L3MBTL4: variants seen among roughly 807,000 people sequenced by gnomAD.
L3MBTL4 encodes the protein lethal(3)malignant brain tumor-like protein 4.
A neutral mutation model predicts 84.5 loss-of-function variants in L3MBTL4; 70 were observed. The observed-to-expected ratio is 0.83, with a 90% CI of 0.68 to 1.01. L3MBTL4 has a LOEUF of 1.01. Ranked by LOEUF, L3MBTL4 falls within the 50% of genes least tolerant of loss-of-function variation. L3MBTL4 has a pLI of 0.00. For missense variants in L3MBTL4, 715 were observed against 754.8 expected, an observed-to-expected ratio of 0.95 and a Z score of 0.62; for synonymous variants, 274 against 259.8, an observed-to-expected ratio of 1.05 and a Z score of -0.52.
At chr18:6,094,528 C>T (rs2058568039) in intron 14 of L3MBTL4, among the ~76,000 whole-genome samples, 2 of 152,124 alleles carry the variant, frequency 1.3e-5, no homozygotes, top group Admixed American at 1.3e-4. Context: ...ACCGGCTACA[C>T]CTAGAGGAGC....
intron 14 of L3MBTL4, among the ~76,000 whole-genome samples, chr18:6,115,912 G>A (rs550122986): frequency 9.2e-5 from 14 of 152,222 alleles, no homozygotes; most frequent in South Asian, 4.2e-4. Flanking sequence ...CTGTTTGCTC[G>A]GCGCAGTCCT....
intron 13 of L3MBTL4, among the ~76,000 whole-genome samples, chr18:6,161,117 C>T (rs2043319736): frequency 6.6e-6 from 1 of 152,162 alleles, no homozygotes; most frequent in Non-Finnish European, 1.5e-5. Flanking sequence ...CTTGACAATT[C>T]AACAGTGCTA....
At chr18:6,136,314 G>A (rs191059645) in intron 14 of L3MBTL4, among the ~76,000 whole-genome samples, 4 of 152,284 alleles carry the variant, frequency 2.6e-5, no homozygotes, top group Admixed American at 2.6e-4. Flanking sequence ...GAATCAGGGT[G>A]ACTCAGGAGA....
intron 1 of L3MBTL4, among the ~76,000 whole-genome samples, chr18:6,357,207 T>C (rs1476636895): frequency 2.0e-5 from 3 of 152,178 alleles, no homozygotes; most frequent in Non-Finnish European, 4.4e-5. Flanking sequence ...ATTAAGAAAC[T>C]CCATTTATCT....
At chr18:5,969,182 C>T (rs1006177593) in intron 17 of L3MBTL4, among the ~76,000 whole-genome samples, 5 of 152,142 alleles carry the variant, frequency 3.3e-5, no homozygotes, top group African/African-American at 7.2e-5. Flanking sequence ...AGGTGCAAAA[C>T]CATCTGGGCA....
intron 16 of L3MBTL4, among the ~76,000 whole-genome samples, chr18:5,999,669 G>A (rs1429783414): frequency 1.3e-5 from 2 of 152,160 alleles, no homozygotes; most frequent in African/African-American, 4.8e-5. Flanking sequence ...AAACTAGAAG[G>A]CAGATAAATT....
intron 1 of L3MBTL4, among the ~76,000 whole-genome samples, chr18:6,360,242 T>G (rs891291937): frequency 1.3e-5 from 2 of 152,066 alleles, no homozygotes; most frequent in African/African-American, 4.8e-5. Flanking sequence ...TGTGGAGGTG[T>G]GCACTGTAGT....
chr18:6,022,623 T>C (rs1267571402), intron 16 of L3MBTL4, among the ~76,000 whole-genome samples: 1 of 152,168 alleles, frequency 6.6e-6, no homozygotes, highest in African/African-American at 2.4e-5. Context: ...CTTACTTGCT[T>C]TATAAGGATT....
intron 10 of L3MBTL4, among the ~76,000 whole-genome samples, chr18:6,220,203 T>C (rs2046492995): frequency 6.6e-6 from 1 of 151,970 alleles, no homozygotes; most frequent in Non-Finnish European, 1.5e-5. Context: ...CAATGGTAAA[T>C]ATAAGTTAAA....
chr18:6,109,297 T>C (rs1423877271), intron 14 of L3MBTL4, among the ~76,000 whole-genome samples: 1 of 152,206 alleles, frequency 6.6e-6, no homozygotes, highest in Admixed American at 6.5e-5. Flanking sequence ...TGTTTCCTTC[T>C]GATTTTATTT....
At chr18:6,182,876 A>T (rs2044543199) in intron 12 of L3MBTL4, among the ~76,000 whole-genome samples, 1 of 152,184 alleles carries the variant, frequency 6.6e-6, no homozygotes, top group Admixed American at 6.5e-5. Context: ...GTTCTATCTA[A>T]TGCCACTGAA....
chr18:6,158,195 T>C (rs548628259), intron 13 of L3MBTL4, among the ~76,000 whole-genome samples: 1 of 152,350 alleles, frequency 6.6e-6, no homozygotes, highest in South Asian at 2.1e-4. Flanking sequence ...CGTCCTTCCA[T>C]TCATGAAGCT....
chr18:5,968,801 C>T (rs986428072), intron 17 of L3MBTL4, among the ~76,000 whole-genome samples: 9 of 152,042 alleles, frequency 5.9e-5, no homozygotes, highest in African/African-American at 1.7e-4. Context: ...TCCAACTTGC[C>T]CCCTCTGTGC....
chr18:6,060,338 G>A (rs1295911337), intron 16 of L3MBTL4, among the ~76,000 whole-genome samples: 1 of 151,132 alleles, frequency 6.6e-6, no homozygotes, highest in Admixed American at 6.6e-5. Context: ...AACGCATTCA[G>A]GTACACCAAA....
intron 10 of L3MBTL4, among the ~76,000 whole-genome samples, chr18:6,230,561 A>G (rs1184590439): frequency 1.3e-5 from 2 of 152,118 alleles, no homozygotes; most frequent in Non-Finnish European, 2.9e-5. Flanking sequence ...ATGTGTCTTT[A>G]TGGAAGAACA....
Position 6,147,940 on chromosome 18 carries a change from A to G in L3MBTL4, c.1097-9644T>C, listed in dbSNP as rs142288379. Among the ~76,000 whole-genome samples the G allele has an allele frequency of 7.0e-4, 107 of 152,342 alleles. No individual in the cohort carries two copies. In the East Asian group the frequency reaches 0.013, roughly 19 times the overall value. On this transcript the variant is annotated intron_variant, in intron 13 of 18. Coordinates refer to ENST00000317931, the MANE Select transcript of L3MBTL4 (RefSeq NM_001330559.2). ...TTAATAAGATAATGGGTAATTGGCTAATTAAATGAGGATCCCAGAAAAGGA... is the reference window on the plus strand; with the variant it reads ...TTAATAAGATAATGGGTAATTGGCTGATTAAATGAGGATCCCAGAAAAGGA...
chr18:6,286,816 T>C (rs2049613320), intron 4 of L3MBTL4, among the ~76,000 whole-genome samples: 1 of 152,100 alleles, frequency 6.6e-6, no homozygotes, highest in Admixed American at 6.5e-5. Flanking sequence ...GAACTCCTGA[T>C]TGTCGCTCTG....
intron 13 of L3MBTL4, among the ~76,000 whole-genome samples, chr18:6,170,354 G>A (rs956142861): frequency 5.3e-5 from 8 of 152,126 alleles, no homozygotes; most frequent in African/African-American, 1.7e-4. Context: ...AGATGCACTG[G>A]GGGTCAAAGC....
intron 1 of L3MBTL4, among the ~76,000 whole-genome samples, chr18:6,354,369 G>C (rs1027219307): frequency 1.3e-5 from 2 of 152,048 alleles, no homozygotes; most frequent in African/African-American, 4.8e-5. Flanking sequence ...CATTGGTCTG[G>C]GCAAAAATGT....
Sources: allele counts gnomAD v4.1 joint callset (sites outside exome capture counted in the v4.1 genomes callset), GRCh38; gene constraint gnomAD v4.1.1; transcripts MANE v1.5; gene names NCBI Gene and HGNC (gene_info 2026-07-23, HGNC 2026-07-21).